KIF16B: variants seen among roughly 807,000 people sequenced by gnomAD.
The protein encoded by KIF16B is kinesin family member 16B.
KIF16B carries 98 observed loss-of-function variants against 156.3 expected under a neutral mutation model. That is an observed-to-expected ratio of 0.63 (90% CI 0.53 to 0.74). The LOEUF is 0.74. Ranked by LOEUF, KIF16B falls within the 30% of genes least tolerant of loss-of-function variation. The pLI is 0.00. For missense variants in KIF16B, 1,421 were observed against 1,606.5 expected (o/e 0.88, Z 1.97); for synonymous variants, 564 against 583.7 (o/e 0.97, Z 0.49).
At chr20:16,483,238 A>T (rs928969879) in intron 12 of KIF16B, among the ~76,000 whole-genome samples, 1 of 152,218 alleles carries the variant, frequency 6.6e-6, no homozygotes, top group African/African-American at 2.4e-5. Context: ...GGTGAGCCAG[A>T]GCCCTGATCA....
intron 12 of KIF16B, among the ~76,000 whole-genome samples, chr20:16,479,597 T>C (rs1281254379): frequency 6.6e-6 from 1 of 152,156 alleles, no homozygotes. Context: ...CAGTCAGCAA[T>C]GGACCACACA....
intron 1 of KIF16B, among the ~76,000 whole-genome samples, chr20:16,541,388 C>T (rs778890278): frequency 3.3e-5 from 5 of 152,244 alleles, no homozygotes; most frequent in Non-Finnish European, 7.3e-5. Context: ...ATGCCAACCT[C>T]GAGCGGCAGC....
At chr20:16,530,476 A>G (rs1044103547) in intron 1 of KIF16B, among the ~76,000 whole-genome samples, 4 of 152,108 alleles carry the variant, frequency 2.6e-5, no homozygotes, top group Non-Finnish European at 5.9e-5. Flanking sequence ...CTGTGGACAG[A>G]CCCAGCCAGC....
chr20:16,518,480 G>A (rs960817991), intron 3 of KIF16B, among the ~76,000 whole-genome samples: 3 of 152,172 alleles, frequency 2.0e-5, no homozygotes, highest in Non-Finnish European at 4.4e-5. Flanking sequence ...GAGGGGAACT[G>A]CCCACAAGAG....
At chr20:16,573,174 G>T (rs2071518659) in intron 1 of KIF16B, 55 bp downstream of exon 1, 1 of 1,490,190 alleles carries the variant, frequency 6.7e-7, no homozygotes, top group African/African-American at 1.4e-5. Flanking sequence ...CTGGAAACAG[G>T]CTTCCTCTGG....
At chr20:16,433,630 C>T (rs1290868223) in intron 12 of KIF16B, among the ~76,000 whole-genome samples, 5 of 151,894 alleles carry the variant, frequency 3.3e-5, no homozygotes. Flanking sequence ...CACACACACT[C>T]ACATACACTT....
At position 16,429,995 on chromosome 20, in the gene KIF16B, G is replaced by A. The variant is rs773263544; in HGVS notation, c.1303-13C>T. ...CTAGAGTTTGTTCCTGAAATTAAGAGGAAAAGAAAAAGAAAAGGTTACTTT... is the reference window on the plus strand; with the variant it reads ...CTAGAGTTTGTTCCTGAAATTAAGAAGAAAAGAAAAAGAAAAGGTTACTTT... On this transcript the variant is annotated splice_polypyrimidine_tract_variant and intron_variant, in intron 12 of 25. Transcript: ENST00000354981. The A allele has an allele frequency of 1.3e-6, 2 of 1,590,244 alleles. No homozygotes were observed. Among genetic ancestry groups the A allele is most frequent in the Admixed American group, 1.9e-5 (1 of 54,002 alleles).
At chr20:16,340,871 G>A (rs1007355810) in intron 23 of KIF16B, among the ~76,000 whole-genome samples, 5 of 152,316 alleles carry the variant, frequency 3.3e-5, no homozygotes, top group African/African-American at 1.2e-4. Context: ...GGGAGAACAT[G>A]ATGATATAGC....
chr20:16,382,798 T>A (rs187379369), intron 17 of KIF16B, among the ~76,000 whole-genome samples: 38 of 152,196 alleles, frequency 2.5e-4, no homozygotes, highest in Non-Finnish European at 4.9e-4. Flanking sequence ...CTTATACATT[T>A]TTCTGTTGCG....
At chr20:16,302,097 C>T (rs79421193) in intron 25 of KIF16B, among the ~76,000 whole-genome samples, 3,916 of 152,264 alleles carry the variant, frequency 0.026, 183 homozygotes, top group African/African-American at 0.088. Flanking sequence ...ATCCTCCTGA[C>T]GGTGTCTTTT....
intron 17 of KIF16B, among the ~76,000 whole-genome samples, chr20:16,383,389 T>C (rs1367442170): frequency 6.6e-6 from 1 of 152,208 alleles, no homozygotes; most frequent in Admixed American, 6.5e-5. Flanking sequence ...TAACTCAGTT[T>C]ATGAGCAATG....
At chr20:16,549,336 C>T (rs2070546960) in intron 1 of KIF16B, among the ~76,000 whole-genome samples, 1 of 151,850 alleles carries the variant, frequency 6.6e-6, no homozygotes, top group Admixed American at 6.6e-5. Flanking sequence ...TGATGATTTC[C>T]AATTTCATCC....
chr20:16,400,226 T>C (rs1048117700), intron 17 of KIF16B, among the ~76,000 whole-genome samples: 5 of 152,372 alleles, frequency 3.3e-5, no homozygotes, highest in African/African-American at 1.2e-4. Context: ...TGAGATTTTC[T>C]TTCTATATTT....
intron 4 of KIF16B, among the ~76,000 whole-genome samples, chr20:16,513,478 G>A (rs567762259): frequency 6.6e-6 from 1 of 152,142 alleles, no homozygotes; most frequent in South Asian, 2.1e-4. Flanking sequence ...GGCCAACATG[G>A]TGAAACTGTG....
chr20:16,546,500 T>A (rs1381818310), intron 1 of KIF16B, among the ~76,000 whole-genome samples: 1 of 152,198 alleles, frequency 6.6e-6, no homozygotes, highest in Non-Finnish European at 1.5e-5. Flanking sequence ...AAATGATCTC[T>A]GGGAGCTTAC....
intron 21 of KIF16B, among the ~76,000 whole-genome samples, chr20:16,370,852 T>G (rs953943730): frequency 5.9e-5 from 9 of 152,194 alleles, no homozygotes; most frequent in Admixed American, 2.6e-4. Flanking sequence ...CTCCTAATCT[T>G]AAAATTCTAA....
intron 25 of KIF16B, among the ~76,000 whole-genome samples, chr20:16,294,835 C>A (rs2063360719): frequency 6.6e-6 from 1 of 152,082 alleles, no homozygotes; most frequent in South Asian, 2.1e-4. Context: ...AATGGGCACC[C>A]TTCACGCCCA....
intron 12 of KIF16B, among the ~76,000 whole-genome samples, chr20:16,480,059 T>C (rs980358409): frequency 1.3e-5 from 2 of 152,192 alleles, no homozygotes; most frequent in Non-Finnish European, 2.9e-5. Flanking sequence ...TTTCTTCACC[T>C]GGTTGCTGGA....
At chr20:16,336,962 C>G (rs902475120) in intron 23 of KIF16B, among the ~76,000 whole-genome samples, 7 of 152,334 alleles carry the variant, frequency 4.6e-5, no homozygotes, top group Middle Eastern at 3.4e-3. Context: ...TCTGCCCTCT[C>G]CAATCTCTTT....
Sources: allele counts gnomAD v4.1 joint callset (sites outside exome capture counted in the v4.1 genomes callset), GRCh38; gene constraint gnomAD v4.1.1; transcripts MANE v1.5; gene names NCBI Gene and HGNC (gene_info 2026-07-23, HGNC 2026-07-21).